GCN1: variants seen among roughly 807,000 people sequenced by gnomAD.
GCN1 encodes stalled ribosome sensor GCN1.
GCN1 carries 90 observed loss-of-function variants against 288.4 expected under a neutral mutation model. The observed-to-expected ratio is 0.31, with a 90% confidence interval of 0.26 to 0.37. The LOEUF is 0.37. GCN1 is among the 10% of genes least tolerant of loss of function. The pLI, the probability that GCN1 is intolerant of heterozygous loss-of-function variation, is 1.00. For synonymous variants in GCN1, 1,386 were observed against 1,420.2 expected (o/e 0.98, Z 0.54); for missense variants, 2,586 against 3,419.9 (o/e 0.76, Z 6.08).
chr12:120,167,782 A>T (rs1878180844), intron 16 of GCN1, among the ~76,000 whole-genome samples: 1 of 152,138 alleles, frequency 6.6e-6, no homozygotes, highest in Non-Finnish European at 1.5e-5. Context: ...TCCTAAGGCA[A>T]CGTAGAATAT....
Position 120,178,844 on chromosome 12 carries a change from C to T in GCN1, c.525+8G>A. 1.9e-6 allele frequency: 3 copies of T among 1,614,052 alleles called. No individual in the cohort carries two copies. The highest frequency in any genetic ancestry group is 2.5e-6 in the Non-Finnish European group (3 of 1,179,884). ...AGCAATGCCCACCAGCCCCTGCAGT[C>T]CTGTCACCTCTTTCCACAGCTTCGT... On this transcript the variant is annotated splice_region_variant and intron_variant, in intron 6 of 57. Transcript: ENST00000300648.
chr12:120,158,567 A>G lies in GCN1; in HGVS notation c.2798T>C (p.Val933Ala), dbSNP rs1319571043. The change falls in exon 25 of 58, where the codon GTC becomes GCC. Residue 933 changes from valine (V) to alanine (A), a missense_variant. Transcript: ENST00000300648. The surrounding 1 kb of genome is among the most constrained non-coding windows in gnomAD (Gnocchi z 4.3). The part of the protein sequence containing the change: ...VTLRLLKPEC[V>A]LDKSWCQEEL... Reference sequence around the variant, plus strand: ...TTCCTGGCACCAGGACTTATCCAGGACACACTCTGGCTTCAGCAGGCGCAG... The same window carrying G: ...TTCCTGGCACCAGGACTTATCCAGGGCACACTCTGGCTTCAGCAGGCGCAG... The G allele has an allele frequency of 1.2e-6, 2 of 1,607,246 alleles. No homozygotes were observed.
Position 120,142,448 on chromosome 12 carries a change from C to A in GCN1, c.5829+59G>T. The A allele has an allele frequency of 1.5e-6, 2 of 1,294,248 alleles. No individual in the cohort carries two copies. The highest frequency in any genetic ancestry group is 2.2e-6 in the Non-Finnish European group (2 of 891,352). 80.2% of individuals were successfully genotyped at this position (1,294,248 alleles called of 1,614,324 possible). A position where few individuals can be genotyped will look rare whatever the true frequency, so the allele number is the denominator to read the frequency against. On this transcript the variant is annotated intron_variant, in intron 44 of 57. Coordinates refer to ENST00000300648, the MANE Select transcript of GCN1 (RefSeq NM_006836.2). The surrounding 1 kb of genome is among the most constrained non-coding windows in gnomAD (Gnocchi z 4.9). Reference sequence around the variant, plus strand: ...TCCCAGGCTCTGCAGACCCAGCCTTCTAGGCTCTGAAAGGAGGCACTGGGG... The same window carrying A: ...TCCCAGGCTCTGCAGACCCAGCCTTATAGGCTCTGAAAGGAGGCACTGGGG...
In GCN1 at chr12:120,176,096, A is replaced by C. The variant is rs761034984; in HGVS notation, c.913+47T>G. 6.9e-6 allele frequency: 10 copies of C among 1,445,064 alleles called. No homozygotes were observed. In the African/African-American group the frequency reaches 7.0e-5, roughly 10 times the overall value. The allele number at this position is 1,445,064 out of a possible 1,614,324, so 89.5% of individuals were successfully genotyped here. ...TACAACAATTAGGACAAGTACAACC[A>C]AACCCAAGGTGACACTTATGGGCTG... On this transcript the variant is annotated intron_variant, in intron 10 of 57. Transcript: ENST00000300648.
At chr12:120,182,926 C>T in intron 5 of GCN1, among the ~76,000 whole-genome samples, 1 of 142,134 alleles carries the variant, frequency 7.0e-6, no homozygotes, top group East Asian at 2.3e-4. Context: ...CAGAGCAAGA[C>T]TCCGTCTCAA....
Position 120,141,041 on chromosome 12 carries a change from T to C in GCN1, c.5830-18A>G. On this transcript the variant is annotated intron_variant, in intron 44 of 57. Transcript: ENST00000300648. Reference sequence around the variant, plus strand: ...GCTGCAATCTGTCAACAGAGACCAATCCAGGAAGTAAAGTCCCTGCAAAGC... The same window carrying C: ...GCTGCAATCTGTCAACAGAGACCAACCCAGGAAGTAAAGTCCCTGCAAAGC... 1 of 1,603,730 alleles carries C rather than the reference T, an allele frequency of 6.2e-7. No individual in the cohort carries two copies. The highest frequency in any genetic ancestry group is 8.5e-7 in the Non-Finnish European group (1 of 1,173,770).
rs1455676219 is a variant in GCN1, at chr12:120,130,723, T to C, written c.7594A>G (p.Met2532Val). The change falls in exon 56 of 58, where the codon ATG becomes GTG. Residue 2532 changes from methionine (M) to valine (V), a missense_variant. Coordinates refer to ENST00000300648, the MANE Select transcript of GCN1 (RefSeq NM_006836.2). ...ATGTGGTGTCTCATGAGAAAGCCCA[T>C]GCCCCGGACCCCGCTCACCGCAATG... ...IPIAVSGVRG[M>V]GFLMRHHIET... 3 of 1,613,770 alleles carry C rather than the reference T, an allele frequency of 1.9e-6. No individual in the cohort carries two copies. Among genetic ancestry groups the C allele is most frequent in the Non-Finnish European group, 2.5e-6 (3 of 1,179,860 alleles).
At chr12:120,176,859 C>A (rs561570908) in intron 9 of GCN1, among the ~76,000 whole-genome samples, 1 of 152,090 alleles carries the variant, frequency 6.6e-6, no homozygotes, top group Non-Finnish European at 1.5e-5. Context: ...CTCCACCTCC[C>A]GGTTTCAAGT....
chr12:120,164,044 G>A (rs1878021607), intron 18 of GCN1, among the ~76,000 whole-genome samples: 1 of 152,152 alleles, frequency 6.6e-6, no homozygotes, highest in South Asian at 2.1e-4. Context: ...GAGGTGGAAG[G>A]ATCGCTCAAG....
rs1342869270 is a variant in GCN1 at position 120,155,190 on chromosome 12, C to T, written c.3630+51G>A. 3 of 1,562,168 alleles carry T rather than the reference C, an allele frequency of 1.9e-6. No homozygotes were observed. In the African/African-American group the frequency reaches 4.1e-5, roughly 21 times the overall value. ...GAGCAGTAGCGGGGTGAGCAGAGAC[C>T]CACCCAACCGCACACACCCAGACTG... On this transcript the variant is annotated intron_variant, in intron 30 of 57. Coordinates refer to ENST00000300648, the MANE Select transcript of GCN1 (RefSeq NM_006836.2). The surrounding 1 kb of genome is among the most constrained non-coding windows in gnomAD (Gnocchi z 4.9).
intron 16 of GCN1, among the ~76,000 whole-genome samples, chr12:120,167,868 G>A (rs957625343): frequency 6.6e-6 from 1 of 151,428 alleles, no homozygotes; most frequent in East Asian, 1.9e-4. Context: ...TCTTGGTGGG[G>A]GAGTAGAGCC....
intron 21 of GCN1, 107 bp from the exon 22 acceptor site, chr12:120,161,690 C>T: frequency 1.1e-6 from 1 of 951,854 alleles, no homozygotes; most frequent in South Asian, 1.4e-5. Context: ...TGTGCACCAG[C>T]ACAGTGCCGG....
rs757148968 is a variant in GCN1, at chr12:120,163,208, C to T, written c.1900G>A (p.Gly634Ser). The change falls in exon 19 of 58, where the codon GGC becomes AGC. Residue 634 changes from glycine to serine, a missense_variant. This residue lies in a region of GCN1 where 913 missense variants were observed against 1,107.0 expected (regional missense o/e 0.82). Transcript: ENST00000300648. ...ACCCGTGGAGGCACGTAGGCCTTGC[C>T]TGCCTCAGTCACCTCTCCAGCATCA... The part of the protein sequence containing the change: ...VTDAGEVTEA[G>S]KAYVPPRVLQ... 7 of 1,614,086 alleles carry T rather than the reference C, an allele frequency of 4.3e-6. No homozygotes were observed. The highest frequency in any genetic ancestry group is 1.1e-5 in the South Asian group (1 of 91,088).
rs199736935 is a variant in GCN1 at position 120,131,382 on chromosome 12, C to T, written c.7415-49G>A. The stretch of plus-strand genomic sequence containing the variant: ...ATCAACCGGTATTTTACAGCATGTC[C>T]CCAGCACCCATGAGGCCCATGGGCC... On this transcript the variant is annotated intron_variant, in intron 54 of 57. Transcript: ENST00000300648. The T allele has an allele frequency of 2.2e-4, 348 of 1,595,262 alleles. 2 individuals carry two copies. The African/African-American group carries it at 4.2e-3, about 19-fold the overall frequency.
Position 120,142,949 on chromosome 12 carries a change from G to A in GCN1, c.5496-8C>T, listed in dbSNP as rs756191101. The A allele has an allele frequency of 5.2e-6, 8 of 1,543,342 alleles. No homozygotes were observed. The highest frequency in any genetic ancestry group is 7.2e-6 in the Non-Finnish European group (8 of 1,115,742). ...AGCTGAACAGAGCTGAACCTGAGAA[G>A]GAGGCCAACAACACAGTCACACAGC... On this transcript the variant is annotated splice_polypyrimidine_tract_variant and splice_region_variant and intron_variant, in intron 42 of 57. Coordinates refer to ENST00000300648, the MANE Select transcript of GCN1 (RefSeq NM_006836.2). This position sits in a 1 kb window ranked among gnomAD's most constrained non-coding sequence, Gnocchi z 4.9.
rs1393984820 is a variant in GCN1 at position 120,155,358 on chromosome 12, A to G, written c.3513T>C (p.His1171=). The G allele has an allele frequency of 1.2e-6, 2 of 1,614,152 alleles. No individual in the cohort carries two copies. The highest frequency in any genetic ancestry group is 1.7e-5 in the Admixed American group (1 of 60,026). Residue 1171 remains histidine (H), a synonymous_variant, in exon 30 of 58, where the codon CAT becomes CAC. Coordinates refer to ENST00000300648, the MANE Select transcript of GCN1 (RefSeq NM_006836.2). This position sits in a 1 kb window ranked among gnomAD's most constrained non-coding sequence, Gnocchi z 4.9. ...CSLLIDDVIY[H]EAAVRQAGAE... Reference sequence around the variant, plus strand: ...CCCCTGCCTGCCTTACAGCCGCCTCATGATAGATCACGTCGTCAATCAGCA... The same window carrying G: ...CCCCTGCCTGCCTTACAGCCGCCTCGTGATAGATCACGTCGTCAATCAGCA...
intron 14 of GCN1, among the ~76,000 whole-genome samples, chr12:120,171,582 A>G (rs1878315760): frequency 6.6e-6 from 1 of 152,178 alleles, no homozygotes; most frequent in Non-Finnish European, 1.5e-5. Flanking sequence ...TTCACAATGA[A>G]AGCAGTTTCC....
At chr12:120,189,824 C>G (rs1179827451) in intron 2 of GCN1, among the ~76,000 whole-genome samples, 2 of 152,002 alleles carry the variant, frequency 1.3e-5, no homozygotes, top group Non-Finnish European at 2.9e-5. Flanking sequence ...ACTAAAAACA[C>G]GAAAATTAGC....
At chr12:120,166,629 G>A (rs1444848845) in intron 16 of GCN1, among the ~76,000 whole-genome samples, 13 of 149,262 alleles carry the variant, frequency 8.7e-5, no homozygotes, top group South Asian at 4.3e-4. Context: ...GCGTGAACCC[G>A]GGAGGCGGAG....
Sources: allele counts gnomAD v4.1 joint callset (sites outside exome capture counted in the v4.1 genomes callset), GRCh38; gene constraint gnomAD v4.1.1; regional missense constraint gnomAD v4.1.1; non-coding constraint Gnocchi (gnomAD v3.1); transcripts MANE v1.5; gene names NCBI Gene and HGNC (gene_info 2026-07-23, HGNC 2026-07-21).